GLI3: variants seen among roughly 807,000 people sequenced by gnomAD.
GLI3 encodes GLI family zinc finger 3.
Under a neutral mutation model 100.8 loss-of-function variants are expected in GLI3, and 20 were observed. The ratio of observed to expected loss-of-function variants is 0.20; its 90% CI spans 0.14 to 0.29. The LOEUF is 0.29. Among genes scored for constraint, GLI3 ranks in the 10% least tolerant of loss-of-function variants. GLI3 has a pLI of 1.00. For synonymous variants in GLI3, 938 were observed against 860.5 expected, an observed-to-expected ratio of 1.09 and a Z score of -1.58; for missense variants, 2,040 against 2,128.5, an observed-to-expected ratio of 0.96 and a Z score of 0.82.
Position 42,039,093 on chromosome 7 carries a change from A to G in GLI3, c.1028+945T>C, listed in dbSNP as rs576354581. ...TGAATTCTTAAATTATTGGCAAAAA[A>G]TTTAGGGGAAATGAGAGTTTAAAGT... On this transcript the variant is annotated intron_variant, in intron 7 of 14. Coordinates refer to ENST00000395925, the MANE Select transcript of GLI3 (RefSeq NM_000168.6). Among the ~76,000 whole-genome samples, 9 of 152,336 alleles carry G rather than the reference A, an allele frequency of 5.9e-5. No individual in the cohort carries two copies. The South Asian group carries it at 1.9e-3, about 32-fold the overall frequency.
chr7:42,228,980 A>T (rs1054270377), intron 1 of GLI3, among the ~76,000 whole-genome samples: 3 of 152,200 alleles, frequency 2.0e-5, no homozygotes, highest in African/African-American at 7.2e-5. Context: ...TCTCCTTTCA[A>T]GTCTCTGCAG....
intron 10 of GLI3, among the ~76,000 whole-genome samples, chr7:42,001,892 C>CATGT (rs1210077576): frequency 6.6e-6 from 1 of 152,070 alleles, no homozygotes; most frequent in Non-Finnish European, 1.5e-5. Context: ...CTTGCAAAAT[C>CATGT]ATGTATGTGT....
intron 3 of GLI3, among the ~76,000 whole-genome samples, chr7:42,126,403 T>C (rs1433852209): frequency 1.3e-5 from 2 of 152,246 alleles, no homozygotes; most frequent in Non-Finnish European, 1.5e-5. Flanking sequence ...TAGAGTGGTA[T>C]GATTTTAATA....
intron 3 of GLI3, among the ~76,000 whole-genome samples, chr7:42,077,449 A>G (rs1474742668): frequency 6.6e-6 from 1 of 151,462 alleles, no homozygotes; most frequent in African/African-American, 2.4e-5. Context: ...ACACAAAGGC[A>G]GCAAATCTAT....
chr7:42,254,800 A>G (rs1390974394), intron 1 of GLI3, among the ~76,000 whole-genome samples: 1 of 147,908 alleles, frequency 6.8e-6, no homozygotes, highest in Non-Finnish European at 1.5e-5. Context: ...CTGCCTATCA[A>G]TCTCTCTCTT....
intron 6 of GLI3, among the ~76,000 whole-genome samples, chr7:42,043,878 CT>C (rs1246159052): frequency 3.3e-5 from 5 of 152,174 alleles, no homozygotes; most frequent in Middle Eastern, 6.8e-3. Context: ...AATAACACAA[CT>C]TTTTTTTCAA....
At position 41,964,785 on chromosome 7, in the gene GLI3, G is replaced by A; in HGVS notation, c.4288C>T (p.His1430Tyr). 4 of 1,613,922 alleles carry A rather than the reference G, an allele frequency of 2.5e-6. No individual in the cohort carries two copies. Among genetic ancestry groups the A allele is most frequent in the Non-Finnish European group, 3.4e-6 (4 of 1,179,842 alleles). The change falls in exon 15 of 15, where the codon CAT (histidine) becomes TAT (tyrosine). Residue 1430 changes from histidine (H) to tyrosine (Y), a missense_variant. This residue lies in a region of GLI3 where 1,041 missense variants were observed against 924.0 expected (regional missense o/e 1.13). Transcript: ENST00000395925. ...GIKMEMKGQP[H>Y]PLCSNLQNYS... ...TTCTGCAGATTAGAGCACAGCGGAT[G>A]GGGCTGCCCTTTCATCTCCATCTTG...
At chr7:42,055,130 T>C (rs200763445) in intron 4 of GLI3, among the ~76,000 whole-genome samples, 25 of 147,218 alleles carry the variant, frequency 1.7e-4, no homozygotes, top group African/African-American at 6.1e-4. Context: ...TATATACACA[T>C]ATATGTTTTT....
At chr7:42,104,235 A>T (rs1288493993) in intron 3 of GLI3, among the ~76,000 whole-genome samples, 1 of 152,194 alleles carries the variant, frequency 6.6e-6, no homozygotes, top group Admixed American at 6.5e-5. Context: ...TAAATTAAAG[A>T]TGTTGTCAGA....
chr7:42,002,295 AC>A (rs1255230821), intron 10 of GLI3, among the ~76,000 whole-genome samples: 2 of 152,212 alleles, frequency 1.3e-5, no homozygotes, highest in African/African-American at 4.8e-5. Context: ...TTGATATTAA[AC>A]AAATTAGACT....
intron 7 of GLI3, among the ~76,000 whole-genome samples, chr7:42,039,700 T>A (rs1784090747): frequency 6.6e-6 from 1 of 152,212 alleles, no homozygotes; most frequent in South Asian, 2.1e-4. Flanking sequence ...AGGTATGAAG[T>A]CAGTTTTCCT....
At chr7:42,070,195 A>G in intron 4 of GLI3, among the ~76,000 whole-genome samples, 1 of 152,274 alleles carries the variant, frequency 6.6e-6, no homozygotes, top group South Asian at 2.1e-4. Context: ...GTTCTATTGT[A>G]TAGTGTCATA....
chr7:42,240,050 T>G (rs1190791945), upstream of GLI3, among the ~76,000 whole-genome samples: 1 of 152,186 alleles, frequency 6.6e-6, no homozygotes, highest in African/African-American at 2.4e-5. Flanking sequence ...TTCCCTTTCC[T>G]GCAGTTGCTC....
intron 2 of GLI3, among the ~76,000 whole-genome samples, chr7:42,202,431 A>C (rs910464637): frequency 6.6e-6 from 1 of 151,646 alleles, no homozygotes; most frequent in African/African-American, 2.4e-5. Context: ...CTCACTAAAC[A>C]TGCTTCCTGG....
chr7:42,209,820 CT>C (rs553838767), intron 2 of GLI3, among the ~76,000 whole-genome samples: 9,201 of 138,306 alleles, frequency 0.067, 305 homozygotes, highest in Non-Finnish European at 0.084. Context: ...GGTTCTCTCT[CT>C]TTTTTTTTTT....
At chr7:42,222,939 AG>A in intron 2 of GLI3, 190 bp downstream of exon 2, 1 of 646,554 alleles carries the variant, frequency 1.5e-6, no homozygotes, top group Non-Finnish European at 2.8e-6. Flanking sequence ...GTCAACGTGT[AG>A]GTTGAGTGCC....
intron 13 of GLI3, among the ~76,000 whole-genome samples, chr7:41,971,788 C>A (rs1457816011): frequency 3.9e-5 from 6 of 152,216 alleles, no homozygotes; most frequent in Admixed American, 6.5e-5. Flanking sequence ...TCATCCTCCT[C>A]AGCTCTTCCC....
At chr7:42,104,569 A>G (rs1303866624) in intron 3 of GLI3, among the ~76,000 whole-genome samples, 1 of 152,386 alleles carries the variant, frequency 6.6e-6, no homozygotes, top group East Asian at 1.9e-4. Context: ...TCATCATTTA[A>G]TAAACACACA....
chr7:42,203,961 C>T (rs544116074), intron 2 of GLI3, among the ~76,000 whole-genome samples: 5 of 152,158 alleles, frequency 3.3e-5, no homozygotes, highest in Middle Eastern at 6.8e-3. Flanking sequence ...ATCGTGCCAC[C>T]GCACTCCAGC....
Sources: gnomAD v4.1 joint callset for allele counts (sites outside exome capture counted in the v4.1 genomes callset) on GRCh38, gnomAD v4.1.1 for gene constraint, gnomAD v4.1.1 regional missense constraint, MANE v1.5 for transcripts, NCBI Gene and HGNC (gene_info 2026-07-23, HGNC 2026-07-21) for gene names.